Variants in SLC25A4 observed in about 807,000 individuals in gnomAD.
SLC25A4 encodes ADP/ATP translocase 1.
In SLC25A4, 10 loss-of-function variants were observed where a neutral mutation model predicts 24.7. That is an observed-to-expected ratio of 0.41 (90% CI 0.25 to 0.69). The LOEUF (loss-of-function observed/expected upper bound fraction) is 0.69, where lower values mean the gene tolerates loss of function less well. SLC25A4 is among the 30% of genes least tolerant of loss of function. The probability of loss-of-function intolerance (pLI) is 0.35; values close to 1 mark genes in which losing one functional copy is unlikely to be tolerated. For missense variants in SLC25A4, 273 were observed against 387.6 expected (o/e 0.70, Z 2.48); for synonymous variants, 125 against 153.3 (o/e 0.82, Z 1.36).
Position 185,144,801 on chromosome 4 carries a change from A to G in SLC25A4, c.149A>G (p.Gln50Arg), listed in dbSNP as rs1292596642. 6 of 1,614,102 alleles carry G rather than the reference A, an allele frequency of 3.7e-6. No homozygotes were observed. The highest frequency in any genetic ancestry group is 5.1e-6 in the Non-Finnish European group (6 of 1,180,028). ...HASKQISAEKQYKGIIDCVVR... is the reference protein window; with the variant it reads ...HASKQISAEKRYKGIIDCVVR... ...AGCAAACAGATCAGTGCTGAGAAGC[A>G]GTACAAAGGGATCATTGATTGTGTG... The change falls in exon 2 of 4, where the codon CAG (glutamine) becomes CGG (arginine). Residue 50 changes from glutamine to arginine, a missense_variant. Gln to Arg is a conservative substitution (Grantham distance 43). Coordinates refer to ENST00000281456, the MANE Select transcript of SLC25A4 (RefSeq NM_001151.4).
chr4:185,147,127 T>A lies in SLC25A4; in HGVS notation c.*156T>A. ...ACCTCAGAAGAGATGCTTCATTGAG[T>A]GTTCATTAAACCACACATGTATTTT... On this transcript the variant is annotated 3_prime_UTR_variant, in exon 4 of 4. Transcript: ENST00000281456. 1.6e-6 allele frequency: 1 copy of A among 634,178 alleles called. No individual in the cohort carries two copies. Among genetic ancestry groups the A allele is most frequent in the Non-Finnish European group, 2.7e-6 (1 of 364,122 alleles). 39.3% of individuals were successfully genotyped at this position (634,178 alleles called of 1,614,324 possible). A position where few individuals can be genotyped will look rare whatever the true frequency, so the allele number is the denominator to read the frequency against.
At position 185,145,467 on chromosome 4, in the gene SLC25A4, G is replaced by A; in HGVS notation, c.598+217G>A. ...ACTCTGGCCTTTAGTTATTCAGAGAGGAGGAGGGGGGAGCCTGTCTCCCTC... is the reference window on the plus strand; with the variant it reads ...ACTCTGGCCTTTAGTTATTCAGAGAAGAGGAGGGGGGAGCCTGTCTCCCTC... On this transcript the variant is annotated intron_variant, in intron 2 of 3. Transcript: ENST00000281456. The surrounding 1 kb of genome is among the most constrained non-coding windows in gnomAD (Gnocchi z 5.5). The A allele has an allele frequency of 1.4e-6, 1 of 735,118 alleles. No homozygotes were observed. Among genetic ancestry groups the A allele is most frequent in the East Asian group, 2.7e-5 (1 of 37,008 alleles). The allele number at this position is 735,118 out of a possible 1,614,324, so 45.5% of individuals were successfully genotyped here. A position where few individuals can be genotyped will look rare whatever the true frequency, so the allele number is the denominator to read the frequency against.
rs750762583 is a variant in SLC25A4 at position 185,145,789 on chromosome 4, T to A, written c.629T>A (p.Ile210Asn). Reference protein sequence around the residue: ...GMLPDPKNVHIFVSWMIAQSV... With the variant: ...GMLPDPKNVHNFVSWMIAQSV... ...CTGCCTGACCCCAAGAACGTGCACA[T>A]TTTTGTGAGCTGGATGATTGCCCAG... The change falls in exon 3 of 4, where the codon ATT (isoleucine) becomes AAT (asparagine). Residue 210 changes from isoleucine to asparagine, a missense_variant. Transcript: ENST00000281456. The surrounding 1 kb of genome is among the most constrained non-coding windows in gnomAD (Gnocchi z 5.5). 6.2e-7 allele frequency: 1 copy of A among 1,614,186 alleles called. No homozygotes were observed. Among genetic ancestry groups the A allele is most frequent in the East Asian group, 2.2e-5 (1 of 44,878 alleles).
At position 185,147,025 on chromosome 4, in the gene SLC25A4, C is replaced by T; in HGVS notation, c.*54C>T. 1 of 1,528,630 alleles carries T rather than the reference C, an allele frequency of 6.5e-7. No homozygotes were observed. Among genetic ancestry groups the T allele is most frequent in the Non-Finnish European group, 9.0e-7 (1 of 1,107,474 alleles). 94.7% of individuals were successfully genotyped at this position (1,528,630 alleles called of 1,614,324 possible). A position where few individuals can be genotyped will look rare whatever the true frequency, so the allele number is the denominator to read the frequency against. ...ACAGTGAACTTGATCTACAAGTTCA[C>T]AGATCCATTGTGTGGTTTAATAGAC... On this transcript the variant is annotated 3_prime_UTR_variant, in exon 4 of 4. Transcript: ENST00000281456.
chr4:185,144,343 C>T (rs1321412948), intron 1 of SLC25A4, among the ~76,000 whole-genome samples: 1 of 152,160 alleles, frequency 6.6e-6, no homozygotes, highest in African/African-American at 2.4e-5. Flanking sequence ...CAGAGTGACA[C>T]TGAGAAATTG....
Position 185,145,006 on chromosome 4 carries a change from G to T in SLC25A4, c.354G>T (p.Ala118=), listed in dbSNP as rs199887868. The T allele has an allele frequency of 4.3e-5, 70 of 1,614,172 alleles. No homozygotes were observed. Among genetic ancestry groups the T allele is most frequent in the Admixed American group, 1.2e-4 (7 of 60,024 alleles). Residue 118 remains alanine (A), a synonymous_variant, in exon 2 of 4, where the codon GCG becomes GCT. Transcript: ENST00000281456. The surrounding 1 kb of genome is among the most constrained non-coding windows in gnomAD (Gnocchi z 5.5). ...QFWRYFAGNL[A]SGGAAGATSL... ...GGCGCTACTTTGCTGGTAACCTGGCGTCCGGTGGGGCCGCTGGGGCCACCT... is the reference window on the plus strand; with the variant it reads ...GGCGCTACTTTGCTGGTAACCTGGCTTCCGGTGGGGCCGCTGGGGCCACCT...
In SLC25A4 at chr4:185,145,481, C is replaced by T; in HGVS notation, c.598+231C>T. ...TTATTCAGAGAGGAGGAGGGGGGAG[C>T]CTGTCTCCCTCTAGACACAGCCATA... On this transcript the variant is annotated intron_variant, in intron 2 of 3. Coordinates refer to ENST00000281456, the MANE Select transcript of SLC25A4 (RefSeq NM_001151.4). The surrounding 1 kb of genome is among the most constrained non-coding windows in gnomAD (Gnocchi z 5.5). The T allele has an allele frequency of 1.4e-6, 1 of 699,652 alleles. No homozygotes were observed. Among genetic ancestry groups the T allele is most frequent in the South Asian group, 1.9e-5 (1 of 52,294 alleles). 43.3% of individuals were successfully genotyped at this position (699,652 alleles called of 1,614,324 possible).
chr4:185,143,281 C>T lies in SLC25A4; in HGVS notation c.-92C>T. The T allele has an allele frequency of 1.5e-6, 1 of 677,868 alleles. No homozygotes were observed. Among genetic ancestry groups the T allele is most frequent in the Non-Finnish European group, 2.5e-6 (1 of 393,578 alleles). 42.0% of individuals were successfully genotyped at this position (677,868 alleles called of 1,614,324 possible). ...GCCAGGCGGCGGCCCCCTAGCGTCG[C>T]GCAGGGTCGGGGACTGCGCGGCGGT... is the stretch of plus-strand genomic sequence containing the variant. On this transcript the variant is annotated 5_prime_UTR_variant, in exon 1 of 4. Coordinates refer to ENST00000281456, the MANE Select transcript of SLC25A4 (RefSeq NM_001151.4).
In SLC25A4 at chr4:185,143,318, C is replaced by A; in HGVS notation, c.-55C>A. ...GACTGCGCGGCGGTGCCAGGCCGGG[C>A]GTGGGCGAGAGCACGAACGGGCTGC... On this transcript the variant is annotated 5_prime_UTR_variant, in exon 1 of 4. Coordinates refer to ENST00000281456, the MANE Select transcript of SLC25A4 (RefSeq NM_001151.4). 9.3e-7 allele frequency: 1 copy of A among 1,070,666 alleles called. No individual in the cohort carries two copies. Among genetic ancestry groups the A allele is most frequent in the Non-Finnish European group, 1.4e-6 (1 of 727,884 alleles). The allele number at this position is 1,070,666 out of a possible 1,614,324, so 66.3% of individuals were successfully genotyped here. A position where few individuals can be genotyped will look rare whatever the true frequency, so the allele number is the denominator to read the frequency against.
At chr4:185,144,542 A>G (rs1033879648) in intron 1 of SLC25A4, among the ~76,000 whole-genome samples, 67 of 152,128 alleles carry the variant, frequency 4.4e-4, no homozygotes, top group African/African-American at 1.6e-3. Flanking sequence ...TTTCCCTCAA[A>G]TACCCTAATA....
At position 185,146,992 on chromosome 4, in the gene SLC25A4, A is replaced by C. The variant is rs1334932809; in HGVS notation, c.*21A>C. On this transcript the variant is annotated 3_prime_UTR_variant, in exon 4 of 4. Coordinates refer to ENST00000281456, the MANE Select transcript of SLC25A4 (RefSeq NM_001151.4). The stretch of plus-strand genomic sequence containing the variant: ...TCTAATGTAATTAAAACACAAGTTC[A>C]CAGATTTACAGTGAACTTGATCTAC... 1 of 1,604,768 alleles carries C rather than the reference A, an allele frequency of 6.2e-7. No individual in the cohort carries two copies.
chr4:185,147,106 C>A lies in SLC25A4; in HGVS notation c.*135C>A. The A allele has an allele frequency of 1.4e-6, 1 of 713,702 alleles. No individual in the cohort carries two copies. The highest frequency in any genetic ancestry group is 2.4e-6 in the Non-Finnish European group (1 of 421,052). 44.2% of individuals were successfully genotyped at this position (713,702 alleles called of 1,614,324 possible). A position where few individuals can be genotyped will look rare whatever the true frequency, so the allele number is the denominator to read the frequency against. Reference sequence around the variant, plus strand: ...TAAAACCAGACTGAAAGGAATACCTCAGAAGAGATGCTTCATTGAGTGTTC... The same window carrying A: ...TAAAACCAGACTGAAAGGAATACCTAAGAAGAGATGCTTCATTGAGTGTTC... On this transcript the variant is annotated 3_prime_UTR_variant, in exon 4 of 4. Coordinates refer to ENST00000281456, the MANE Select transcript of SLC25A4 (RefSeq NM_001151.4).
chr4:185,146,809 C>T lies in SLC25A4; in HGVS notation c.740-5C>T, dbSNP rs754558689. On this transcript the variant is annotated splice_region_variant and splice_polypyrimidine_tract_variant and intron_variant, in intron 3 of 3. Transcript: ENST00000281456. ...CGGAGCCCTCACCAGCATTTGTTTC[C>T]ACAGCCGATATTATGTACACGGGGA... 1.9e-5 allele frequency: 30 copies of T among 1,614,164 alleles called. No homozygotes were observed. The highest frequency in any genetic ancestry group is 2.5e-5 in the Non-Finnish European group (29 of 1,180,022).
At position 185,147,296 on chromosome 4, in the gene SLC25A4, A is replaced by G. The variant is rs914444938; in HGVS notation, c.*325A>G. ...ACGCTTTCTATTTTATTGAACTCTT[A>G]TTAACTGTAAAATGCATTTTTAAAA... On this transcript the variant is annotated 3_prime_UTR_variant, in exon 4 of 4. Coordinates refer to ENST00000281456, the MANE Select transcript of SLC25A4 (RefSeq NM_001151.4). 1 of 252,484 alleles carries G rather than the reference A, an allele frequency of 4.0e-6. No individual in the cohort carries two copies. Among genetic ancestry groups the G allele is most frequent in the African/African-American group, 2.6e-5 (1 of 39,184 alleles). 15.6% of individuals were successfully genotyped at this position (252,484 alleles called of 1,614,324 possible). A position where few individuals can be genotyped will look rare whatever the true frequency, so the allele number is the denominator to read the frequency against.
Position 185,147,196 on chromosome 4 carries a change from T to C in SLC25A4, c.*225T>C. On this transcript the variant is annotated 3_prime_UTR_variant, in exon 4 of 4. Transcript: ENST00000281456. ...AATTCCCACAGCAAATAGAAAATAA[T>C]TTATCATACTTGTACAATTAACTGA... The C allele has an allele frequency of 2.0e-6, 1 of 509,440 alleles. No individual in the cohort carries two copies. The highest frequency in any genetic ancestry group is 3.5e-6 in the Non-Finnish European group (1 of 285,142). The allele number at this position is 509,440 out of a possible 1,614,324, so 31.6% of individuals were successfully genotyped here.
chr4:185,144,420 G>C (rs1478235964), intron 1 of SLC25A4, among the ~76,000 whole-genome samples: 3 of 152,032 alleles, frequency 2.0e-5, no homozygotes, highest in African/African-American at 7.3e-5. Context: ...ACTCATTTCT[G>C]TCCCCCAGTA....
Position 185,145,976 on chromosome 4 carries a change from T to C in SLC25A4, c.739+77T>C, listed in dbSNP as rs1298121078. The C allele has an allele frequency of 6.5e-7, 1 of 1,532,176 alleles. No individual in the cohort carries two copies. The highest frequency in any genetic ancestry group is 1.4e-5 in the African/African-American group (1 of 73,350). 94.9% of individuals were successfully genotyped at this position (1,532,176 alleles called of 1,614,324 possible). A position where few individuals can be genotyped will look rare whatever the true frequency, so the allele number is the denominator to read the frequency against. Reference sequence around the variant, plus strand: ...CATTTTACAGGGCTCCTTTCAGTCTTCCTTACTGGAAATTAATTTTCAAAA... The same window carrying C: ...CATTTTACAGGGCTCCTTTCAGTCTCCCTTACTGGAAATTAATTTTCAAAA... On this transcript the variant is annotated intron_variant, in intron 3 of 3. Transcript: ENST00000281456. The surrounding 1 kb of genome is among the most constrained non-coding windows in gnomAD (Gnocchi z 5.5).
Position 185,143,491 on chromosome 4 carries a change from C to T in SLC25A4, c.111+8C>T, listed in dbSNP as rs1439040816. On this transcript the variant is annotated splice_region_variant and intron_variant, in intron 1 of 3. Transcript: ENST00000281456. ...GTCAAACTGCTGCTGCAGGTGAGGA[C>T]CGCGCGGTGCAAGAGGCGGGCGCGG... 1 of 1,390,288 alleles carries T rather than the reference C, an allele frequency of 7.2e-7. No individual in the cohort carries two copies. Among genetic ancestry groups the T allele is most frequent in the Admixed American group, 2.4e-5 (1 of 41,010 alleles). The allele number at this position is 1,390,288 out of a possible 1,614,324, so 86.1% of individuals were successfully genotyped here.
chr4:185,146,307 G>A (rs1438120223), intron 3 of SLC25A4, among the ~76,000 whole-genome samples: 1 of 152,166 alleles, frequency 6.6e-6, no homozygotes, highest in Non-Finnish European at 1.5e-5. Flanking sequence ...ATGGCCTGAA[G>A]CAATCTGTTG....
Sources: allele counts gnomAD v4.1 joint callset (sites outside exome capture counted in the v4.1 genomes callset), GRCh38; gene constraint gnomAD v4.1.1; non-coding constraint Gnocchi (gnomAD v3.1); transcripts MANE v1.5; gene names NCBI Gene and HGNC (gene_info 2026-07-23, HGNC 2026-07-21).